Variants in TAF1B observed in about 807,000 individuals in gnomAD.
TAF1B encodes the protein TATA box-binding protein-associated factor RNA polymerase I subunit B.
In TAF1B, 61 loss-of-function variants were observed where a neutral mutation model predicts 83.9. That is an observed-to-expected ratio of 0.73 (90% CI 0.59 to 0.90). TAF1B has a LOEUF of 0.90. TAF1B is among the 40% of genes least tolerant of loss of function. TAF1B has a pLI of 0.00. For missense variants in TAF1B, 625 were observed against 677.0 expected (o/e 0.92, Z 0.85); for synonymous variants, 221 against 224.6 (o/e 0.98, Z 0.14).
At chr2:9,865,632 A>G (rs1409583978) in intron 5 of TAF1B, among the ~76,000 whole-genome samples, 2 of 152,210 alleles carry the variant, frequency 1.3e-5, no homozygotes, top group African/African-American at 2.4e-5. Context: ...TGCCAAGTCA[A>G]TCCTAAGCCA....
chr2:9,876,085 G>A (rs982239897), intron 7 of TAF1B, 67 bp downstream of exon 7: 18 of 1,444,976 alleles, frequency 1.2e-5, no homozygotes, highest in Middle Eastern at 1.8e-4. Flanking sequence ...GACAAACTTC[G>A]GATATTTTGA....
intron 8 of TAF1B, among the ~76,000 whole-genome samples, chr2:9,901,317 C>G (rs1451966221): frequency 6.6e-6 from 1 of 152,140 alleles, no homozygotes; most frequent in Non-Finnish European, 1.5e-5. Flanking sequence ...CTAGCAGAAT[C>G]TGGAATCTAA....
chr2:9,908,211 A>T (rs1665411011), intron 9 of TAF1B, among the ~76,000 whole-genome samples: 1 of 151,410 alleles, frequency 6.6e-6, no homozygotes, highest in African/African-American at 2.4e-5. Context: ...ACGCCTGGCT[A>T]ATTTTTTGTA....
chr2:9,904,489 C>T (rs1665283289), intron 8 of TAF1B, among the ~76,000 whole-genome samples: 1 of 152,158 alleles, frequency 6.6e-6, no homozygotes, highest in South Asian at 2.1e-4. Flanking sequence ...ACAATTTCTT[C>T]ATCTAGTCCA....
chr2:9,851,734 T>A, intron 4 of TAF1B, 96 bp downstream of exon 4: 1 of 978,144 alleles, frequency 1.0e-6, no homozygotes, highest in Non-Finnish European at 1.6e-6. Context: ...GTAGTAACAC[T>A]AGGGCTACTG....
intron 5 of TAF1B, among the ~76,000 whole-genome samples, chr2:9,858,225 A>G (rs898663395): frequency 1.1e-4 from 17 of 152,250 alleles, no homozygotes; most frequent in African/African-American, 3.6e-4. Context: ...AAAGGGGCCA[A>G]TACAAGTCCG....
chr2:9,850,334 A>G (rs1372792602), intron 3 of TAF1B, among the ~76,000 whole-genome samples: 1 of 152,178 alleles, frequency 6.6e-6, no homozygotes, highest in Non-Finnish European at 1.5e-5. Context: ...TAATTTCTTC[A>G]TTTGTAAAAT....
intron 8 of TAF1B, among the ~76,000 whole-genome samples, chr2:9,901,231 C>A (rs1665168575): frequency 6.6e-6 from 1 of 151,782 alleles, no homozygotes; most frequent in African/African-American, 2.4e-5. Context: ...TTGAGTGTTA[C>A]TCAAAAAGGA....
At chr2:9,910,599 G>C in intron 9 of TAF1B, 137 bp from the exon 10 acceptor site, 2 of 628,576 alleles carry the variant, frequency 3.2e-6, no homozygotes, top group Non-Finnish European at 5.1e-6. Flanking sequence ...GCCATGTTTT[G>C]ATGTTTTATT....
chr2:9,911,036 T>C (rs1029713097), intron 10 of TAF1B, 123 bp downstream of exon 10: 25 of 773,794 alleles, frequency 3.2e-5, no homozygotes, highest in Non-Finnish European at 3.2e-5. Context: ...TTGTACTGTA[T>C]TTACCTAATT....
At chr2:9,928,940 T>C (rs1666126378) in intron 14 of TAF1B, among the ~76,000 whole-genome samples, 1 of 152,200 alleles carries the variant, frequency 6.6e-6, no homozygotes, top group African/African-American at 2.4e-5. Context: ...CTTGTGCCAG[T>C]TTTCAAAGGG....
At chr2:9,931,804 C>T (rs1256912770) in intron 14 of TAF1B, among the ~76,000 whole-genome samples, 1 of 152,220 alleles carries the variant, frequency 6.6e-6, no homozygotes, top group Admixed American at 6.5e-5. Context: ...TTCAGGTACA[C>T]TAATCAAATG....
At chr2:9,918,917 G>A (rs564724862) in intron 12 of TAF1B, 124 bp from the exon 13 acceptor site, 2 of 807,862 alleles carry the variant, frequency 2.5e-6, no homozygotes, top group African/African-American at 1.7e-5. Context: ...ATAGACATGT[G>A]CCAGTAGGCC....
At chr2:9,867,280 G>A (rs1392837535) in intron 5 of TAF1B, among the ~76,000 whole-genome samples, 3 of 152,124 alleles carry the variant, frequency 2.0e-5, no homozygotes, top group African/African-American at 4.8e-5. Context: ...AGTTTGAATC[G>A]TCCAGAAGAA....
At chr2:9,872,255 G>T (rs1045642787) in intron 6 of TAF1B, among the ~76,000 whole-genome samples, 1 of 151,730 alleles carries the variant, frequency 6.6e-6, no homozygotes, top group African/African-American at 2.4e-5. Flanking sequence ...GAACCCGGGA[G>T]TTGGAGGTTG....
chr2:9,927,924 A>G (rs1468426369), intron 14 of TAF1B, among the ~76,000 whole-genome samples: 1 of 152,258 alleles, frequency 6.6e-6, no homozygotes, highest in South Asian at 2.1e-4. Context: ...TGTTTTAGTC[A>G]TGAAGTCCTT....
chr2:9,868,770 T>C (rs375822029), intron 6 of TAF1B: 1 of 481,280 alleles, frequency 2.1e-6, no homozygotes, highest in South Asian at 1.6e-5. Context: ...AATGTTATTA[T>C]GTAGCCATAT....
At chr2:9,905,216 A>T (rs891983768) in intron 9 of TAF1B, among the ~76,000 whole-genome samples, 1 of 152,216 alleles carries the variant, frequency 6.6e-6, no homozygotes, top group Non-Finnish European at 1.5e-5. Flanking sequence ...TTCAGAAATA[A>T]GAGTTCTGTT....
At position 9,904,219 on chromosome 2, in the gene TAF1B, C is replaced by A. The variant is rs1374483961; in HGVS notation, c.808-640C>A. Among the ~76,000 whole-genome samples, 4 of 152,096 alleles carry A rather than the reference C, an allele frequency of 2.6e-5. No homozygotes were observed. In the East Asian group the frequency reaches 7.7e-4, roughly 29 times the overall value. ...GTTTGGTGTACAGATTATCTTGTCA[C>A]CCAGGTAACAAGCACAGTAAAGGTA... is the stretch of plus-strand genomic sequence containing the variant. On this transcript the variant is annotated intron_variant, in intron 8 of 14. Coordinates refer to ENST00000263663, the MANE Select transcript of TAF1B (RefSeq NM_005680.3).
Sources: gnomAD v4.1 joint callset for allele counts (sites outside exome capture counted in the v4.1 genomes callset) on GRCh38, gnomAD v4.1.1 for gene constraint, MANE v1.5 for transcripts, NCBI Gene and HGNC (gene_info 2026-07-23, HGNC 2026-07-21) for gene names.